Variants in NME7 observed in about 807,000 individuals in gnomAD.
NME7 encodes NME/NM23 family member 7.
A neutral mutation model predicts 49.1 loss-of-function variants in NME7; 41 were observed. That is an observed-to-expected ratio of 0.83 (90% CI 0.65 to 1.08). The LOEUF is 1.08. NME7 is among the 50% of genes least tolerant of loss of function. NME7 has a pLI of 0.00. For synonymous variants in NME7, 139 were observed against 150.6 expected (o/e 0.92, Z 0.56); for missense variants, 423 against 463.4 (o/e 0.91, Z 0.80).
At chr1:169,329,396 GAAA>G (rs34676722) in intron 1 of NME7, among the ~76,000 whole-genome samples, 8 of 98,238 alleles carry the variant, frequency 8.1e-5, no homozygotes, top group African/African-American at 1.6e-4. Context: ...TGTGTTTCCT[GAAA>G]AAAAAAAAAA....
At chr1:169,147,629 A>G (rs527943842) in intron 11 of NME7, among the ~76,000 whole-genome samples, 1 of 151,862 alleles carries the variant, frequency 6.6e-6, no homozygotes, top group African/African-American at 2.4e-5. Flanking sequence ...ATCAATAAGC[A>G]ATAAGAAAGA....
intron 3 of NME7, among the ~76,000 whole-genome samples, chr1:169,317,480 C>T (rs1426256281): frequency 6.6e-6 from 1 of 152,118 alleles, no homozygotes; most frequent in African/African-American, 2.4e-5. Context: ...TCTTAGACAA[C>T]GATACTATAG....
At chr1:169,278,125 T>A (rs948763706) in intron 7 of NME7, among the ~76,000 whole-genome samples, 6 of 151,442 alleles carry the variant, frequency 4.0e-5, no homozygotes, top group South Asian at 4.2e-4. Context: ...TAACATTTTT[T>A]CCTTCATTTC....
chr1:169,197,687 C>G (rs60252569), intron 10 of NME7, among the ~76,000 whole-genome samples: 2,219 of 152,122 alleles, frequency 0.015, 50 homozygotes, highest in African/African-American at 0.048. Flanking sequence ...CAATCCTTAC[C>G]TCACACCATA....
intron 1 of NME7, among the ~76,000 whole-genome samples, chr1:169,349,879 G>A (rs1162218874): frequency 6.6e-6 from 1 of 152,088 alleles, no homozygotes; most frequent in Non-Finnish European, 1.5e-5. Context: ...CTATTACTGA[G>A]GGACTACAAG....
chr1:169,335,459 C>A (rs1247065603), intron 1 of NME7, among the ~76,000 whole-genome samples: 1 of 151,792 alleles, frequency 6.6e-6, no homozygotes, highest in African/African-American at 2.4e-5. Flanking sequence ...AGCACACGAA[C>A]AGAAAACCAA....
intron 11 of NME7, among the ~76,000 whole-genome samples, chr1:169,135,001 C>T (rs915290100): frequency 1.7e-5 from 2 of 116,226 alleles, no homozygotes; most frequent in South Asian, 2.9e-4. Context: ...ATAAGGAGAT[C>T]CCCCCGTCTC....
At chr1:169,161,801 T>C (rs1659253089) in intron 11 of NME7, among the ~76,000 whole-genome samples, 1 of 152,172 alleles carries the variant, frequency 6.6e-6, no homozygotes. Flanking sequence ...AATATTAATA[T>C]TATGGGAGGG....
chr1:169,247,065 GAAGA>G, intron 7 of NME7: 1 of 456,214 alleles, frequency 2.2e-6, no homozygotes, highest in Non-Finnish European at 4.4e-6. Context: ...TCCTCACTGT[GAAGA>G]AAGACAGGCT....
intron 9 of NME7, among the ~76,000 whole-genome samples, 170 bp from the exon 10 acceptor site, chr1:169,230,989 A>G (rs1282711554): frequency 6.6e-6 from 1 of 152,144 alleles, no homozygotes; most frequent in Non-Finnish European, 1.5e-5. Flanking sequence ...CTTGAAGAAT[A>G]TTTTTTAGAT....
At chr1:169,339,186 A>G (rs10919144) in intron 1 of NME7, among the ~76,000 whole-genome samples, 53,352 of 152,020 alleles carry the variant, frequency 0.35, 10,488 homozygotes, top group Non-Finnish European at 0.44. Flanking sequence ...CCAAACTCTA[A>G]TATTTGTTTG....
At chr1:169,252,090 T>A (rs1164285977) in intron 7 of NME7, among the ~76,000 whole-genome samples, 1 of 149,658 alleles carries the variant, frequency 6.7e-6, no homozygotes, top group East Asian at 2.0e-4. Context: ...ATGGGATGGC[T>A]GGGTCAAATG....
At chr1:169,151,598 C>A (rs568531001) in intron 11 of NME7, among the ~76,000 whole-genome samples, 1 of 152,190 alleles carries the variant, frequency 6.6e-6, no homozygotes, top group South Asian at 2.1e-4. Flanking sequence ...GTCCAGCCCC[C>A]TGAAGCCTGT....
chr1:169,148,901 T>C (rs1309507629), intron 11 of NME7, among the ~76,000 whole-genome samples: 1 of 152,238 alleles, frequency 6.6e-6, no homozygotes, highest in African/African-American at 2.4e-5. Context: ...ATACATGTAT[T>C]GTCCTTGGCA....
intron 10 of NME7, among the ~76,000 whole-genome samples, chr1:169,185,252 C>A (rs1660035282): frequency 6.6e-6 from 1 of 152,196 alleles, no homozygotes; most frequent in Admixed American, 6.5e-5. Flanking sequence ...ATTCAAGGAA[C>A]TTTTTCATCT....
chr1:169,230,157 T>C (rs896264229), intron 10 of NME7, among the ~76,000 whole-genome samples: 15 of 152,078 alleles, frequency 9.9e-5, no homozygotes, highest in African/African-American at 3.1e-4. Flanking sequence ...AGCTTTATCA[T>C]AGCGTTCTAA....
chr1:169,278,700 C>T (rs1435836877), intron 7 of NME7, among the ~76,000 whole-genome samples: 2 of 152,242 alleles, frequency 1.3e-5, no homozygotes, highest in Non-Finnish European at 2.9e-5. Flanking sequence ...AGTCATTCTC[C>T]ATCCAGCTTT....
intron 1 of NME7, among the ~76,000 whole-genome samples, chr1:169,328,190 G>C (rs750565715): frequency 1.2e-4 from 18 of 152,116 alleles, no homozygotes; most frequent in Non-Finnish European, 2.6e-4. Flanking sequence ...ACTATAAAGG[G>C]GTTTTTTGGA....
At chr1:169,248,723 TATTAA>T (rs1469145416) in intron 7 of NME7, among the ~76,000 whole-genome samples, 2 of 152,178 alleles carry the variant, frequency 1.3e-5, no homozygotes, top group Non-Finnish European at 2.9e-5. Flanking sequence ...CAGCATTATT[TATTAA>T]ATAAGGTGTC....
Sources: allele counts gnomAD v4.1 joint callset (sites outside exome capture counted in the v4.1 genomes callset), GRCh38; gene constraint gnomAD v4.1.1; transcripts MANE v1.5; gene names NCBI Gene and HGNC (gene_info 2026-07-23, HGNC 2026-07-21).